The following KLRG1 variants were observed in gnomAD, a reference collection of about 807,000 sequenced individuals.
KLRG1 encodes killer cell lectin-like receptor subfamily G member 1.
In KLRG1, 16 loss-of-function variants were observed where a neutral mutation model predicts 21.8. The ratio of observed to expected loss-of-function variants is 0.73; its 90% CI spans 0.50 to 1.11. The LOEUF (loss-of-function observed/expected upper bound fraction) is 1.11. Ranked by LOEUF, KLRG1 falls within the 50% of genes most tolerant of loss-of-function variation. The pLI is 0.00. For missense variants in KLRG1, 173 were observed against 218.3 expected (o/e 0.79, Z 1.31); for synonymous variants, 69 against 75.9 (o/e 0.91, Z 0.47).
At chr12:9,039,778 A>G in the KLRG1 span, among the ~76,000 whole-genome samples, 1 of 152,260 alleles carries the variant, frequency 6.6e-6, no homozygotes, top group Non-Finnish European at 1.5e-5. Context: ...CCTTGATTCT[A>G]GAAAAATTTG....
chr12:8,967,138 G>A (rs1197409478), intron 1 of KLRG1, among the ~76,000 whole-genome samples: 5 of 132,142 alleles, frequency 3.8e-5, no homozygotes, highest in African/African-American at 1.1e-4. Context: ...TGAACTATGA[G>A]AACACATGGA....
chr12:9,201,672 TA>T, the KLRG1 span, among the ~76,000 whole-genome samples: 1 of 152,118 alleles, frequency 6.6e-6, no homozygotes, highest in Non-Finnish European at 1.5e-5. Flanking sequence ...CTTACTTTCA[TA>T]AGTTGGGAAA....
chr12:8,997,988 A>G (rs767965296), intron 3 of KLRG1, among the ~76,000 whole-genome samples: 1 of 152,142 alleles, frequency 6.6e-6, no homozygotes, highest in East Asian at 1.9e-4. Context: ...CAGCAATTCT[A>G]AAAAGTAGAG....
At chr12:9,171,006 C>A in the KLRG1 span, among the ~76,000 whole-genome samples, 3 of 152,198 alleles carry the variant, frequency 2.0e-5, no homozygotes, top group East Asian at 5.8e-4. Flanking sequence ...AGCAGCCAGG[C>A]TGCTTCTTTG....
chr12:9,157,415 G>C, the KLRG1 span: 4 of 1,458,980 alleles, frequency 2.7e-6, no homozygotes, highest in Admixed American at 5.7e-5. Flanking sequence ...AGCAAGCTGA[G>C]AGCTGGATAT....
chr12:9,065,570 C>G, the KLRG1 span, among the ~76,000 whole-genome samples: 2 of 152,166 alleles, frequency 1.3e-5, no homozygotes, highest in African/African-American at 4.8e-5. Context: ...GGGAGGGAGG[C>G]TGAGAGGGGT....
At chr12:9,201,114 A>G in the KLRG1 span, 4 of 1,589,904 alleles carry the variant, frequency 2.5e-6, no homozygotes, top group Non-Finnish European at 3.4e-6. Context: ...ATAGTCCTTG[A>G]GCAACTCAAA....
chr12:9,093,326 T>C, the KLRG1 span: 2 of 615,062 alleles, frequency 3.3e-6, no homozygotes, highest in South Asian at 4.2e-5. Context: ...TCACTATGTG[T>C]ATGTGTATAT....
the KLRG1 span, among the ~76,000 whole-genome samples, chr12:9,114,832 T>G: frequency 1.3e-5 from 2 of 152,166 alleles, no homozygotes; most frequent in East Asian, 3.8e-4. Flanking sequence ...AAACATTTCC[T>G]TCTGACTGAG....
At chr12:9,092,101 G>A in the KLRG1 span, among the ~76,000 whole-genome samples, 1 of 152,158 alleles carries the variant, frequency 6.6e-6, no homozygotes, top group South Asian at 2.1e-4. Context: ...CTTCTAACTA[G>A]CCTGCACTGG....
At chr12:9,163,259 T>A in the KLRG1 span, among the ~76,000 whole-genome samples, 3 of 146,286 alleles carry the variant, frequency 2.1e-5, no homozygotes, top group African/African-American at 5.1e-5. Flanking sequence ...GAGACCATCC[T>A]GGCTAACATG....
the KLRG1 span, chr12:9,157,443 T>A: frequency 7.7e-7 from 1 of 1,290,708 alleles, no homozygotes; most frequent in Non-Finnish European, 1.1e-6. Context: ...CAGATGTTAT[T>A]AATAGATTTC....
chr12:9,113,914 G>A, the KLRG1 span, among the ~76,000 whole-genome samples: 10 of 152,036 alleles, frequency 6.6e-5, no homozygotes, highest in African/African-American at 1.5e-4. Flanking sequence ...TCAGTCATGC[G>A]GACATTACAA....
chr12:9,093,602 C>T, the KLRG1 span: 1 of 1,346,532 alleles, frequency 7.4e-7, no homozygotes, highest in East Asian at 2.4e-5. Flanking sequence ...AGGAAGAAGA[C>T]ATTACAATAA....
intron 1 of KLRG1, among the ~76,000 whole-genome samples, chr12:8,967,887 C>T (rs886253027): frequency 1.3e-5 from 2 of 149,152 alleles, no homozygotes; most frequent in Non-Finnish European, 3.0e-5. Context: ...CAGAATGTGA[C>T]TAAAGATGTG....
chr12:9,146,007 T>A, the KLRG1 span, among the ~76,000 whole-genome samples: 3 of 152,200 alleles, frequency 2.0e-5, no homozygotes, highest in Admixed American at 1.3e-4. Context: ...TGTATTTTTA[T>A]GTGGATTTCA....
chr12:8,974,927 G>A (rs1946633407), intron 1 of KLRG1, among the ~76,000 whole-genome samples: 2 of 150,572 alleles, frequency 1.3e-5, no homozygotes, highest in East Asian at 3.9e-4. Flanking sequence ...ACAGAGTCTT[G>A]CTCTGTCAGC....
At chr12:9,079,288 G>GT in the KLRG1 span, 1 of 1,613,666 alleles carries the variant, frequency 6.2e-7, no homozygotes, top group Admixed American at 1.7e-5. Context: ...CAAAGGTGCT[G>GT]TAGGAGCCAT....
the KLRG1 span, among the ~76,000 whole-genome samples, chr12:9,133,203 G>A: frequency 6.6e-6 from 1 of 152,114 alleles, no homozygotes; most frequent in Non-Finnish European, 1.5e-5. Flanking sequence ...ATTCAAGTAG[G>A]GAGCTGGGCA....
Sources: gnomAD v4.1 joint callset for allele counts (sites outside exome capture counted in the v4.1 genomes callset) on GRCh38, gnomAD v4.1.1 for gene constraint, MANE v1.5 for transcripts, NCBI Gene and HGNC (gene_info 2026-07-23, HGNC 2026-07-21) for gene names.